PKHD1L1: variants seen among roughly 807,000 people sequenced by gnomAD.
The protein encoded by PKHD1L1 is PKHD1 like 1.
A neutral mutation model predicts 462.9 loss-of-function variants in PKHD1L1; 434 were observed. The observed-to-expected ratio is 0.94, with a 90% CI of 0.87 to 1.02. The LOEUF is 1.02. Ranked by LOEUF, PKHD1L1 falls within the 50% of genes least tolerant of loss-of-function variation. PKHD1L1 has a pLI of 0.00. For missense variants in PKHD1L1, 5,202 were observed against 5,096.1 expected (o/e 1.02, Z -0.63); for synonymous variants, 1,781 against 1,750.0 (o/e 1.02, Z -0.44).
At chr8:109,379,884 T>C (rs1352339024) in intron 2 of PKHD1L1, among the ~76,000 whole-genome samples, 2 of 152,144 alleles carry the variant, frequency 1.3e-5, no homozygotes, top group African/African-American at 2.4e-5. Flanking sequence ...TTTAACTTAA[T>C]GTAGTTAAGG....
Position 109,420,672 on chromosome 8 carries a change from G to A in PKHD1L1, c.2679G>A (p.Met893Ile). The change falls in exon 23 of 78, where the codon ATG becomes ATA. Residue 893 changes from methionine to isoleucine, a missense_variant. Physicochemically the swap from Met to Ile is conservative, Grantham distance 10 (BLOSUM62 1). Transcript: ENST00000378402. ...SYNCSYNIPM[M>I]AVSFGQIITH... is the part of the protein sequence containing the mutation. ...ATTGCAGTTACAATATACCCATGAT[G>A]GCTGTGAGCTTTGGGCAGGTAAGCC... is the stretch of plus-strand genomic sequence containing the variant. The A allele has an allele frequency of 2.5e-6, 4 of 1,576,272 alleles. No homozygotes were observed. Among genetic ancestry groups the A allele is most frequent in the Non-Finnish European group, 3.4e-6 (4 of 1,165,666 alleles).
chr8:109,428,803 G>A (rs1013782900), intron 25 of PKHD1L1, among the ~76,000 whole-genome samples: 3 of 152,166 alleles, frequency 2.0e-5, no homozygotes, highest in African/African-American at 7.2e-5. Flanking sequence ...CATATTTGCA[G>A]AGGAATTTTG....
At chr8:109,431,707 T>C (rs1490141921) in intron 27 of PKHD1L1, among the ~76,000 whole-genome samples, 1 of 152,226 alleles carries the variant, frequency 6.6e-6, no homozygotes. Context: ...GTACACCAAC[T>C]TACTAGTTCC....
rs73307602 is a variant in PKHD1L1 at position 109,382,642 on chromosome 8, C to T, written c.417+71C>T. ...TTCTTTCCTGCAGAACTGAATTTTTCCTTTTTAGTTTTATAGACTATTTCC... is the reference window on the plus strand; with the variant it reads ...TTCTTTCCTGCAGAACTGAATTTTTTCTTTTTAGTTTTATAGACTATTTCC... On this transcript the variant is annotated intron_variant, in intron 4 of 77. Transcript: ENST00000378402. The T allele has an allele frequency of 4.2e-3, 5,218 of 1,253,130 alleles. 179 individuals carry two copies. The African/African-American group carries it at 0.073, about 17-fold the overall frequency. The allele number at this position is 1,253,130 out of a possible 1,614,324, so 77.6% of individuals were successfully genotyped here.
chr8:109,471,047 C>T, intron 50 of PKHD1L1: 1 of 1,594,662 alleles, frequency 6.3e-7, no homozygotes. Flanking sequence ...CACATTAACA[C>T]CTTCTGCGAT....
At chr8:109,414,096 T>C (rs902860553) in intron 21 of PKHD1L1, among the ~76,000 whole-genome samples, 1 of 152,160 alleles carries the variant, frequency 6.6e-6, no homozygotes, top group Non-Finnish European at 1.5e-5. Context: ...ATATAATTAT[T>C]TTTTGGGTTT....
At chr8:109,371,106 T>C (rs1586366471) in intron 2 of PKHD1L1, among the ~76,000 whole-genome samples, 1 of 152,200 alleles carries the variant, frequency 6.6e-6, no homozygotes, top group East Asian at 1.9e-4. Flanking sequence ...TTGAACTAGT[T>C]TACACTCCCA....
chr8:109,510,497 C>T (rs1250602285), intron 70 of PKHD1L1, among the ~76,000 whole-genome samples: 1 of 152,082 alleles, frequency 6.6e-6, no homozygotes, highest in Non-Finnish European at 1.5e-5. Flanking sequence ...AGTGACCTTC[C>T]GATACAAATT....
intron 2 of PKHD1L1, among the ~76,000 whole-genome samples, chr8:109,377,241 T>A (rs971108627): frequency 6.8e-6 from 1 of 146,610 alleles, no homozygotes; most frequent in African/African-American, 2.5e-5. Context: ...AATACTTATC[T>A]TTTTATAATG....
intron 21 of PKHD1L1, among the ~76,000 whole-genome samples, chr8:109,414,140 G>C (rs1271705062): frequency 6.6e-6 from 1 of 151,880 alleles, no homozygotes; most frequent in East Asian, 1.9e-4. Flanking sequence ...ATTTATGTCA[G>C]TTGTGACTGC....
intron 38 of PKHD1L1, among the ~76,000 whole-genome samples, chr8:109,446,240 C>A (rs181198750): frequency 1.3e-5 from 2 of 152,220 alleles, no homozygotes; most frequent in East Asian, 3.9e-4. Context: ...TGATTATCTT[C>A]GAGCTATTAG....
At position 109,508,258 on chromosome 8, in the gene PKHD1L1, A is replaced by G. The variant is rs1205124874; in HGVS notation, c.11389A>G (p.Ile3797Val). 1.9e-6 allele frequency: 3 copies of G among 1,603,962 alleles called. No homozygotes were observed. The highest frequency in any genetic ancestry group is 1.1e-5 in the South Asian group (1 of 88,900). ...AATGGGCAACGGTTATGTTGATCTT[A>G]TTAATGGTAGGTATTCAATATGAGT... ...AIMGNGYVDL[I>V]NGPQDHGWCA... The change falls in exon 70 of 78, where the codon ATT (isoleucine) becomes GTT (valine). Residue 3797 changes from isoleucine to valine, a missense_variant. By Grantham distance (29) the Ile-to-Val change is conservative. Around this residue, in one of 3 missense-constraint regions of PKHD1L1, gnomAD observed 698 missense variants for 736.3 expected, o/e 0.95. Coordinates refer to ENST00000378402, the MANE Select transcript of PKHD1L1 (RefSeq NM_177531.6).
chr8:109,518,351 G>A lies in PKHD1L1; in HGVS notation c.11874G>A (p.Leu3958=). 4 of 1,613,372 alleles carry A rather than the reference G, an allele frequency of 2.5e-6. No individual in the cohort carries two copies. The highest frequency in any genetic ancestry group is 1.7e-4 in the Middle Eastern group (1 of 6,058). ...TEDDFYTSHN[L]VKNLALFLKI... is the part of the protein sequence containing the mutation. ...ATGACTTTTATACCTCTCACAATCTGGTTAAAAATCTTGCCTTGTTCCTAA... is the reference window on the plus strand; with the variant it reads ...ATGACTTTTATACCTCTCACAATCTAGTTAAAAATCTTGCCTTGTTCCTAA... Residue 3958 remains leucine (L), a synonymous_variant, in exon 73 of 78, where the codon CTG becomes CTA. Transcript: ENST00000378402.
rs773536428 is a variant in PKHD1L1, at chr8:109,522,222, G to A, written c.12068G>A (p.Gly4023Asp). The change falls in exon 74 of 78, where the codon GGT (glycine) becomes GAT (aspartate). Residue 4023 changes from glycine (G) to aspartate (D), a missense_variant. Gly to Asp is a moderately conservative substitution (Grantham distance 94). This residue lies in a region of PKHD1L1 where 698 missense variants were observed against 736.3 expected (regional missense o/e 0.95). Coordinates refer to ENST00000378402, the MANE Select transcript of PKHD1L1 (RefSeq NM_177531.6). ...MQLSELQEIAGSLGQAVILGN... is the reference protein window; with the variant it reads ...MQLSELQEIADSLGQAVILGN... ...TTATCTGAACTCCAGGAAATTGCTG[G>A]TTCTCTTGGACAAGCTGTAATTTTA... 4 of 1,604,802 alleles carry A rather than the reference G, an allele frequency of 2.5e-6. No homozygotes were observed. Among genetic ancestry groups the A allele is most frequent in the Non-Finnish European group, 3.4e-6 (4 of 1,172,790 alleles).
At chr8:109,436,854 A>G (rs1476577257) in intron 30 of PKHD1L1, among the ~76,000 whole-genome samples, 1 of 152,204 alleles carries the variant, frequency 6.6e-6, no homozygotes, top group Non-Finnish European at 1.5e-5. Flanking sequence ...TTTAAGGATG[A>G]AAAAAATGAG....
chr8:109,529,165 G>A (rs1440085066), intron 77 of PKHD1L1, among the ~76,000 whole-genome samples: 1 of 152,174 alleles, frequency 6.6e-6, no homozygotes, highest in African/African-American at 2.4e-5. Flanking sequence ...ACTGGAGGCT[G>A]AAACAAACTG....
intron 56 of PKHD1L1, among the ~76,000 whole-genome samples, chr8:109,482,176 T>C (rs1375504177): frequency 6.6e-6 from 1 of 151,850 alleles, no homozygotes; most frequent in Non-Finnish European, 1.5e-5. Flanking sequence ...CATATTTATT[T>C]AGGAGACGCA....
chr8:109,474,398 A>G (rs1457283), intron 50 of PKHD1L1, among the ~76,000 whole-genome samples: 59,482 of 151,908 alleles, frequency 0.39, 11,850 homozygotes, highest in South Asian at 0.57. Flanking sequence ...GCTATCAGGC[A>G]TTCTCTTGTG....
rs1283289215 is a variant in PKHD1L1 at position 109,362,559 on chromosome 8, A to G, written c.-22A>G. ...AGCCAGCTGCGAGCGGAGGGCACCA[A>G]CTCCGCAGAACTGGCTTTTCAATGG... On this transcript the variant is annotated 5_prime_UTR_variant, in exon 1 of 78. Coordinates refer to ENST00000378402, the MANE Select transcript of PKHD1L1 (RefSeq NM_177531.6). 3 of 1,593,708 alleles carry G rather than the reference A, an allele frequency of 1.9e-6. No homozygotes were observed. Among genetic ancestry groups the G allele is most frequent in the Non-Finnish European group, 8.6e-7 (1 of 1,169,384 alleles).
Sources: allele counts gnomAD v4.1 joint callset (sites outside exome capture counted in the v4.1 genomes callset), GRCh38; gene constraint gnomAD v4.1.1; regional missense constraint gnomAD v4.1.1; transcripts MANE v1.5; gene names NCBI Gene and HGNC (gene_info 2026-07-23, HGNC 2026-07-21).